The following EYA4 variants were observed in gnomAD, a reference collection of about 807,000 sequenced individuals.
EYA4 encodes the protein protein phosphatase EYA4.
In EYA4, 31 loss-of-function variants were observed where a neutral mutation model predicts 87.9. That is an observed-to-expected ratio of 0.35 (90% confidence interval 0.27 to 0.48). The LOEUF (loss-of-function observed/expected upper bound fraction) is 0.48. Among genes scored for constraint, EYA4 ranks in the 20% least tolerant of loss-of-function variants. The pLI, the probability that EYA4 is intolerant of heterozygous loss-of-function variation, is 0.99. For synonymous variants in EYA4, 263 were observed against 270.6 expected, an observed-to-expected ratio of 0.97 and a Z score of 0.28; for missense variants, 678 against 761.4, an observed-to-expected ratio of 0.89 and a Z score of 1.29.
intron 2 of EYA4, among the ~76,000 whole-genome samples, chr6:133,286,163 C>T (rs1166574432): frequency 6.6e-6 from 1 of 152,122 alleles, no homozygotes; most frequent in Non-Finnish European, 1.5e-5. Flanking sequence ...AGGAGGAGGC[C>T]TCAGGGAAAC....
Position 133,468,740 on chromosome 6 carries a change from C to T in EYA4, c.970+9C>T, listed in dbSNP as rs756408633. ...ACTGACTAACCAACCAGGTACAGAT[C>T]TTCACCCAGGTGAAATACTTTTATA... On this transcript the variant is annotated intron_variant, in intron 11 of 19. Coordinates refer to ENST00000355286, the MANE Select transcript of EYA4 (RefSeq NM_004100.5). 1 of 1,612,468 alleles carries T rather than the reference C, an allele frequency of 6.2e-7. No individual in the cohort carries two copies. Among genetic ancestry groups the T allele is most frequent in the Admixed American group, 1.7e-5 (1 of 59,866 alleles).
chr6:133,271,189 C>T (rs1211548549), intron 1 of EYA4, among the ~76,000 whole-genome samples: 1 of 152,080 alleles, frequency 6.6e-6, no homozygotes, highest in African/African-American at 2.4e-5. Context: ...TGATTCAGAG[C>T]GTACATGGCT....
At chr6:133,372,888 G>A (rs1785384136) in intron 2 of EYA4, among the ~76,000 whole-genome samples, 1 of 151,744 alleles carries the variant, frequency 6.6e-6, no homozygotes, top group Non-Finnish European at 1.5e-5. Context: ...AAAAGTTATG[G>A]TGATACTATT....
At chr6:133,464,536 C>G (rs1369690606) in intron 9 of EYA4, among the ~76,000 whole-genome samples, 1 of 152,136 alleles carries the variant, frequency 6.6e-6, no homozygotes, top group African/African-American at 2.4e-5. Context: ...GTTGGCCTCA[C>G]TCCTTATGAA....
intron 9 of EYA4, among the ~76,000 whole-genome samples, chr6:133,463,677 C>T (rs1183299114): frequency 6.6e-6 from 1 of 151,948 alleles, no homozygotes; most frequent in Non-Finnish European, 1.5e-5. Context: ...TATCTTAATG[C>T]AATAGTTGCC....
At chr6:133,290,051 G>A (rs1778362573) in intron 2 of EYA4, among the ~76,000 whole-genome samples, 1 of 152,178 alleles carries the variant, frequency 6.6e-6, no homozygotes, top group Non-Finnish European at 1.5e-5. Context: ...AGCCCCAGAT[G>A]CCCACAGCTA....
chr6:133,505,050 T>C (rs1798474664), intron 13 of EYA4, among the ~76,000 whole-genome samples: 2 of 152,316 alleles, frequency 1.3e-5, no homozygotes, highest in Admixed American at 1.3e-4. Context: ...AAAACCTTAT[T>C]CTTCTCCCTG....
At chr6:133,341,169 C>G (rs977551826) in intron 2 of EYA4, among the ~76,000 whole-genome samples, 25 of 152,164 alleles carry the variant, frequency 1.6e-4, no homozygotes, top group African/African-American at 5.8e-4. Context: ...AATTGAGGAA[C>G]TGAGTAAACA....
intron 2 of EYA4, among the ~76,000 whole-genome samples, chr6:133,327,169 G>A (rs762561009): frequency 5.3e-5 from 8 of 151,638 alleles, no homozygotes; most frequent in African/African-American, 1.2e-4. Context: ...ACAGAGTCTC[G>A]CTTTTTCACC....
chr6:133,517,516 A>G (rs1799701109), intron 17 of EYA4, among the ~76,000 whole-genome samples: 1 of 150,164 alleles, frequency 6.7e-6, no homozygotes, highest in Admixed American at 6.7e-5. Context: ...ATCAGAATGC[A>G]GAAAAGCCTG....
chr6:133,277,354 C>G (rs1562238404), intron 2 of EYA4, among the ~76,000 whole-genome samples: 1 of 152,072 alleles, frequency 6.6e-6, no homozygotes, highest in African/African-American at 2.4e-5. Context: ...CTCTCTGGCC[C>G]CAAAACTTTT....
intron 2 of EYA4, among the ~76,000 whole-genome samples, chr6:133,349,721 G>A (rs1260855277): frequency 1.3e-5 from 2 of 152,078 alleles, no homozygotes; most frequent in Non-Finnish European, 2.9e-5. Flanking sequence ...TAATCAGTGG[G>A]CTACATCTCA....
rs114361650 is a variant in EYA4, at chr6:133,438,385, C to T, written c.84-8245C>T. ...TGTGCTTCATCCTTTTATTCCTGAC[C>T]GGTGTTCCTTCTTTACTCATCTTGT... On this transcript the variant is annotated intron_variant, in intron 3 of 19. Coordinates refer to ENST00000355286, the MANE Select transcript of EYA4 (RefSeq NM_004100.5). Among the ~76,000 whole-genome samples the T allele has an allele frequency of 3.9e-3, 578 of 148,716 alleles. 3 individuals carry two copies. Among genetic ancestry groups the T allele is most frequent in the African/African-American group, 0.013 (532 of 40,068 alleles).
intron 17 of EYA4, among the ~76,000 whole-genome samples, chr6:133,520,910 A>T (rs10872408): frequency 0.62 from 89,599 of 143,912 alleles, 28,943 homozygotes; most frequent in East Asian, 0.78. Flanking sequence ...TGGCTAGCCA[A>T]ATGTAGAAAG....
intron 19 of EYA4, among the ~76,000 whole-genome samples, chr6:133,525,535 G>A (rs972425961): frequency 6.6e-6 from 1 of 152,080 alleles, no homozygotes; most frequent in East Asian, 1.9e-4. Flanking sequence ...ATATATATTT[G>A]TGTGGGCATG....
chr6:133,428,882 T>A (rs554397126), intron 3 of EYA4, among the ~76,000 whole-genome samples: 1 of 146,814 alleles, frequency 6.8e-6, no homozygotes, highest in African/African-American at 2.5e-5. Flanking sequence ...TAGGCCTCCA[T>A]CTTCTGGGGC....
At position 133,293,476 on chromosome 6, in the gene EYA4, GA is replaced by G. The variant is rs144502775; in HGVS notation, c.33+18666del. On this transcript the variant is annotated intron_variant, in intron 2 of 19. Transcript: ENST00000355286. ...AGTTAAAAATCATGAATGAGAATAA[GA>G]AAGGCAACATAGTATTTTAGGAGGG... Among the ~76,000 whole-genome samples the G allele has an allele frequency of 6.6e-3, 1,001 of 152,148 alleles. 8 individuals carry two copies. The highest frequency in any genetic ancestry group is 0.022 in the African/African-American group (932 of 41,500).
intron 3 of EYA4, among the ~76,000 whole-genome samples, chr6:133,403,986 G>A (rs146203492): frequency 9.2e-4 from 140 of 152,110 alleles, no homozygotes; most frequent in Middle Eastern, 3.4e-3. Flanking sequence ...GGGTAATTTT[G>A]TAGTTTTAGT....
Position 133,284,836 on chromosome 6 carries a change from C to T in EYA4, c.33+10023C>T, listed in dbSNP as rs565613249. ...GACGCATATTACTGTTCTTGTGGAA[C>T]TTATATTCTTGTGGAGGGGGAGACA... On this transcript the variant is annotated intron_variant, in intron 2 of 19. Transcript: ENST00000355286. Among the ~76,000 whole-genome samples, 32 of 152,158 alleles carry T rather than the reference C, an allele frequency of 2.1e-4. 2 individuals are homozygous for T. Among genetic ancestry groups the T allele is most frequent in the African/African-American group, 6.5e-4 (27 of 41,510 alleles).
Sources: gnomAD v4.1 joint callset for allele counts (sites outside exome capture counted in the v4.1 genomes callset) on GRCh38, gnomAD v4.1.1 for gene constraint, MANE v1.5 for transcripts, NCBI Gene and HGNC (gene_info 2026-07-23, HGNC 2026-07-21) for gene names.